The following EPG5 variants were observed in gnomAD, a reference collection of about 807,000 sequenced individuals.
The protein encoded by EPG5 is ectopic P-granules 5 autophagy tethering factor, also known as ectopic P granules protein 5 homolog.
In EPG5, 159 loss-of-function variants were observed where a neutral mutation model predicts 302.7. That is an observed-to-expected ratio of 0.53 (90% confidence interval 0.46 to 0.60). The LOEUF is 0.60. EPG5 is among the 20% of genes least tolerant of loss of function. EPG5 has a pLI of 0.00. For missense variants in EPG5, 2,896 were observed against 3,092.4 expected, an observed-to-expected ratio of 0.94 and a Z score of 1.51; for synonymous variants, 1,158 against 1,136.8, an observed-to-expected ratio of 1.02 and a Z score of -0.37.
chr18:45,961,913 T>C (rs2051157256), intron 1 of EPG5, among the ~76,000 whole-genome samples: 1 of 151,450 alleles, frequency 6.6e-6, no homozygotes. Context: ...TCACCAGTAC[T>C]CCTCAACTCT....
At position 45,903,968 on chromosome 18, in the gene EPG5, C is replaced by CG; in HGVS notation, c.4474+4_4474+5insC. 6.2e-7 allele frequency: 1 copy of CG among 1,604,524 alleles called. No individual in the cohort carries two copies. Among genetic ancestry groups the CG allele is most frequent in the Non-Finnish European group, 8.5e-7 (1 of 1,177,936 alleles). On this transcript the variant is annotated splice_donor_region_variant and intron_variant, in intron 25 of 43. Transcript: ENST00000282041. ...TTCGAAGGGGCAGGTGCTCCCAGGA[C>CG]CCACCCAGCAAAGGATCAGTGAAGT...
Position 45,870,690 on chromosome 18 carries a change from A to G in EPG5, c.6102T>C (p.Tyr2034=), listed in dbSNP as rs2048852831. The G allele has an allele frequency of 2.5e-6, 4 of 1,613,462 alleles. No individual in the cohort carries two copies. Among genetic ancestry groups the G allele is most frequent in the Non-Finnish European group, 3.4e-6 (4 of 1,179,552 alleles). Residue 2034 remains tyrosine, a synonymous_variant, in exon 36 of 44, where the codon TAT becomes TAC. Coordinates refer to ENST00000282041, the MANE Select transcript of EPG5 (RefSeq NM_020964.3). ...TTTTGGGTGCTGTACATGCTTCACA[A>G]TAATGCATCAGGTGCAACCAAAGGG... ...AGALWLHLMH[Y]CEACTAPKMP...
At chr18:45,861,640 C>G (rs1476511359) in intron 39 of EPG5, among the ~76,000 whole-genome samples, 1 of 152,218 alleles carries the variant, frequency 6.6e-6, no homozygotes, top group Non-Finnish European at 1.5e-5. Context: ...TTGAATGTGG[C>G]TGACTTGCCA....
At chr18:45,930,273 G>A (rs1392700514) in intron 12 of EPG5, among the ~76,000 whole-genome samples, 3 of 152,074 alleles carry the variant, frequency 2.0e-5, no homozygotes, top group African/African-American at 7.2e-5. Flanking sequence ...TAAAACTCAG[G>A]TATCCTAACT....
chr18:45,905,025 T>A (rs1030737704), intron 24 of EPG5, among the ~76,000 whole-genome samples: 1 of 152,106 alleles, frequency 6.6e-6, no homozygotes. Flanking sequence ...TCCTATAAAA[T>A]GGAATTTTTT....
intron 36 of EPG5, 30 bp downstream of exon 36, chr18:45,870,537 A>G: frequency 6.2e-7 from 1 of 1,602,844 alleles, no homozygotes; most frequent in Non-Finnish European, 8.5e-7. Context: ...AGATCTCTCT[A>G]GGCTGCGATG....
At chr18:45,909,772 C>T (rs1043722408) in intron 23 of EPG5, among the ~76,000 whole-genome samples, 6 of 152,142 alleles carry the variant, frequency 3.9e-5, no homozygotes, top group African/African-American at 2.4e-5. Context: ...ACTTAAAGAG[C>T]CCTGCCCTGG....
intron 1 of EPG5, among the ~76,000 whole-genome samples, chr18:45,965,985 G>A (rs1026624833): frequency 9.2e-5 from 14 of 152,070 alleles, no homozygotes; most frequent in African/African-American, 3.1e-4. Flanking sequence ...CCCGGGAGGC[G>A]GAGGTTGCGG....
the EPG5 span, chr18:45,825,595 G>A: frequency 7.1e-6 from 6 of 845,426 alleles, no homozygotes; most frequent in African/African-American, 8.4e-5. Flanking sequence ...CTCCCGCAGA[G>A]CCCACAGGGA....
At chr18:45,897,850 A>G (rs1483079432) in intron 27 of EPG5, among the ~76,000 whole-genome samples, 1 of 152,226 alleles carries the variant, frequency 6.6e-6, no homozygotes, top group African/African-American at 2.4e-5. Flanking sequence ...ACATTGGAAT[A>G]GTTACAATGA....
chr18:45,822,052 T>C, the EPG5 span, among the ~76,000 whole-genome samples: 1 of 152,218 alleles, frequency 6.6e-6, no homozygotes, highest in East Asian at 1.9e-4. Context: ...GTAGGGGGCA[T>C]TTATCCAAAG....
intron 22 of EPG5, 67 bp from the exon 23 acceptor site, chr18:45,910,809 T>G: frequency 7.8e-7 from 1 of 1,279,968 alleles, no homozygotes; most frequent in East Asian, 2.4e-5. Context: ...TGGCATAAAA[T>G]AGCAGTTAAT....
the EPG5 span, among the ~76,000 whole-genome samples, chr18:45,832,825 GC>G: frequency 6.6e-6 from 1 of 152,266 alleles, no homozygotes; most frequent in East Asian, 1.9e-4. Context: ...CAAAGCAAGC[GC>G]ATTTTTTTCC....
chr18:45,874,237 G>A (rs1209328206), intron 35 of EPG5, among the ~76,000 whole-genome samples: 1 of 152,150 alleles, frequency 6.6e-6, no homozygotes, highest in African/African-American at 2.4e-5. Context: ...TCCAGAGTGG[G>A]GAAGGCTTGT....
chr18:45,812,440 A>G, the EPG5 span, among the ~76,000 whole-genome samples: 1 of 152,230 alleles, frequency 6.6e-6, no homozygotes, highest in Non-Finnish European at 1.5e-5. Flanking sequence ...ATGGAACCAA[A>G]AAAAGGGCCC....
chr18:45,889,908 G>T lies in EPG5; in HGVS notation c.4842C>A (p.Ser1614Arg). Residue 1614 changes from serine (S) to arginine (R), a missense_variant, in exon 28 of 44, where the codon AGC becomes AGA. This residue lies in a region of EPG5 where 790 missense variants were observed against 798.0 expected (regional missense o/e 0.99). Transcript: ENST00000282041. ...FEGMHKNEAI[S>R]QQLHVLRKEV... ...CCTTCCGTAAAACATGAAGCTGTTGGCTTATGGCTTCATTCTTATGCATGC... is the reference window on the plus strand; with the variant it reads ...CCTTCCGTAAAACATGAAGCTGTTGTCTTATGGCTTCATTCTTATGCATGC... 1 of 1,604,018 alleles carries T rather than the reference G, an allele frequency of 6.2e-7. No individual in the cohort carries two copies. The highest frequency in any genetic ancestry group is 8.5e-7 in the Non-Finnish European group (1 of 1,174,242).
intron 4 of EPG5, among the ~76,000 whole-genome samples, chr18:45,950,706 G>A (rs565527252): frequency 1.6e-3 from 251 of 152,226 alleles, no homozygotes; most frequent in African/African-American, 5.7e-3. Context: ...ACTTAGGTGT[G>A]GAATTTTCCA....
At position 45,917,747 on chromosome 18, in the gene EPG5, C is replaced by A. The variant is rs1401806394; in HGVS notation, c.3171G>T (p.Val1057=). Residue 1057 remains valine, a synonymous_variant, in exon 17 of 44, where the codon GTG becomes GTT. Coordinates refer to ENST00000282041, the MANE Select transcript of EPG5 (RefSeq NM_020964.3). ...GCAGAATCTTATCCAGGACATGAAC[C>A]ACTGTTCTCAAATGTCTTGACTGGA... ...ILVQSRHLRT[V]VHVLDKILPL... is the part of the protein sequence containing the mutation. The A allele has an allele frequency of 1.7e-5, 28 of 1,613,932 alleles. No homozygotes were observed. The highest frequency in any genetic ancestry group is 2.3e-5 in the Non-Finnish European group (27 of 1,179,940).
At chr18:45,809,173 A>C in the EPG5 span, among the ~76,000 whole-genome samples, 1 of 152,228 alleles carries the variant, frequency 6.6e-6, no homozygotes, top group African/African-American at 2.4e-5. Flanking sequence ...ACAGGAAAAT[A>C]TCACAATCCT....
Sources: gnomAD v4.1 joint callset for allele counts (sites outside exome capture counted in the v4.1 genomes callset) on GRCh38, gnomAD v4.1.1 for gene constraint, gnomAD v4.1.1 regional missense constraint, MANE v1.5 for transcripts, NCBI Gene and HGNC (gene_info 2026-07-23, HGNC 2026-07-21) for gene names.